The following IARS1 variants were observed in gnomAD, a reference collection of about 807,000 sequenced individuals.
IARS1 encodes isoleucyl-tRNA synthetase 1.
Under a neutral mutation model 168.2 loss-of-function variants are expected in IARS1, and 124 were observed. The ratio of observed to expected loss-of-function variants is 0.74; its 90% CI spans 0.64 to 0.86. IARS1 has a LOEUF of 0.86. Among genes scored for constraint, IARS1 ranks in the 40% least tolerant of loss-of-function variants. The pLI, the probability that IARS1 is intolerant of heterozygous loss-of-function variation, is 0.00. For synonymous variants in IARS1, 532 were observed against 529.4 expected (o/e 1.00, Z -0.07); for missense variants, 1,452 against 1,515.8 (o/e 0.96, Z 0.70).
chr9:92,264,813 T>C, intron 16 of IARS1, 116 bp downstream of exon 16: 1 of 904,876 alleles, frequency 1.1e-6, no homozygotes, highest in Non-Finnish European at 1.7e-6. Context: ...ATGTAGCCTG[T>C]CTTATTTGCC....
chr9:92,273,109 G>T (rs1833317664), intron 10 of IARS1, among the ~76,000 whole-genome samples: 1 of 147,198 alleles, frequency 6.8e-6, no homozygotes, highest in Admixed American at 6.8e-5. Context: ...TCCAGCCTGG[G>T]TGACAGAGCG....
intron 15 of IARS1, 142 bp downstream of exon 15, chr9:92,265,337 AC>A: frequency 3.6e-6 from 3 of 839,346 alleles, no homozygotes; most frequent in Non-Finnish European, 5.8e-6. Context: ...GACAGAGGCC[AC>A]AATACTGCAA....
chr9:92,288,934 C>A (rs1043608435), intron 2 of IARS1, among the ~76,000 whole-genome samples: 5 of 152,096 alleles, frequency 3.3e-5, no homozygotes, highest in African/African-American at 2.4e-5. Flanking sequence ...TTAGGCCGCG[C>A]GTGATGGCTC....
chr9:92,287,703 A>G (rs773916904), intron 4 of IARS1, 88 bp downstream of exon 4: 7 of 1,373,890 alleles, frequency 5.1e-6, no homozygotes, highest in Non-Finnish European at 5.9e-6. Flanking sequence ...ATAAATTAAT[A>G]AAAAAAGCAC....
intron 6 of IARS1, among the ~76,000 whole-genome samples, chr9:92,282,675 C>A (rs892677410): frequency 2.6e-5 from 4 of 151,900 alleles, no homozygotes; most frequent in Non-Finnish European, 5.9e-5. Flanking sequence ...GAGGGTGAGG[C>A]TGGAGGATCA....
chr9:92,227,159 A>G lies in IARS1; in HGVS notation c.3409+1842T>C, dbSNP rs1443938108. On this transcript the variant is annotated intron_variant, in intron 31 of 33. Transcript: ENST00000443024. ...ATCAACAGGATCCCAAGGCAGAAGA[A>G]TTTTTCTTAGTACAGAACAAAATGA... Among the ~76,000 whole-genome samples, 24 of 137,480 alleles carry G rather than the reference A, an allele frequency of 1.7e-4. 1 individual carries two copies. Among genetic ancestry groups the G allele is most frequent in the African/African-American group, 5.9e-4 (21 of 35,630 alleles). The allele number at this position is 137,480 out of a possible 152,430, so 90.2% of individuals were successfully genotyped here. A position where few individuals can be genotyped will look rare whatever the true frequency, so the allele number is the denominator to read the frequency against.
chr9:92,261,497 C>T (rs1188874224), intron 17 of IARS1, among the ~76,000 whole-genome samples: 1 of 152,128 alleles, frequency 6.6e-6, no homozygotes, highest in Non-Finnish European at 1.5e-5. Flanking sequence ...TGAATTCATT[C>T]AGTAACCTGA....
At chr9:92,269,684 C>G (rs1832754816) in intron 13 of IARS1, among the ~76,000 whole-genome samples, 1 of 152,206 alleles carries the variant, frequency 6.6e-6, no homozygotes, top group African/African-American at 2.4e-5. Flanking sequence ...CCCTTACATA[C>G]TTTATCACAA....
chr9:92,222,340 CAAAAAAAAAAAAAAA>C (rs60335070), intron 33 of IARS1, among the ~76,000 whole-genome samples, 165 bp downstream of exon 33: 1 of 55,372 alleles, frequency 1.8e-5, no homozygotes, highest in Non-Finnish European at 3.2e-5. Context: ...GACTCAGTCT[CAAAAAAAAAAAAAAA>C]AAAAAAAAAA....
intron 19 of IARS1, 104 bp from the exon 20 acceptor site, chr9:92,256,904 C>A: frequency 9.2e-7 from 1 of 1,082,568 alleles, no homozygotes; most frequent in South Asian, 1.9e-5. Context: ...AGAAAAAATC[C>A]CAGACCCTAC....
intron 14 of IARS1, among the ~76,000 whole-genome samples, chr9:92,266,326 T>C (rs1348319683): frequency 2.0e-5 from 3 of 152,188 alleles, no homozygotes; most frequent in Non-Finnish European, 2.9e-5. Context: ...AGTCATACAG[T>C]GCTTAATGGT....
intron 31 of IARS1, among the ~76,000 whole-genome samples, chr9:92,227,447 C>A (rs1318838670): frequency 2.1e-5 from 3 of 144,728 alleles, no homozygotes; most frequent in African/African-American, 7.8e-5. Flanking sequence ...GACCCCCCCA[C>A]CTCCCTCCCG....
At chr9:92,275,780 C>T (rs1006520562) in intron 9 of IARS1, among the ~76,000 whole-genome samples, 30 of 152,172 alleles carry the variant, frequency 2.0e-4, no homozygotes, top group African/African-American at 5.3e-4. Flanking sequence ...CAGCTTCCCT[C>T]GATATTTCAC....
chr9:92,232,219 A>G (rs1391422935), intron 30 of IARS1, among the ~76,000 whole-genome samples: 1 of 152,190 alleles, frequency 6.6e-6, no homozygotes. Context: ...CCCACTGGTA[A>G]TTTACAGCCT....
At chr9:92,278,327 G>GAACTT in intron 7 of IARS1, 41 bp from the exon 8 acceptor site, 1 of 1,350,754 alleles carries the variant, frequency 7.4e-7, no homozygotes, top group Non-Finnish European at 1.1e-6. Flanking sequence ...GTTATATTCT[G>GAACTT]AACTTGGCTG....
intron 1 of IARS1, among the ~76,000 whole-genome samples, chr9:92,291,363 C>A (rs752633562): frequency 6.6e-6 from 1 of 152,040 alleles, no homozygotes; most frequent in Non-Finnish European, 1.5e-5. Flanking sequence ...TTGAAAGCAT[C>A]AAAAGCATCA....
chr9:92,292,205 G>C (rs1001128574), intron 1 of IARS1, among the ~76,000 whole-genome samples: 1 of 140,314 alleles, frequency 7.1e-6, no homozygotes, highest in African/African-American at 3.1e-5. Context: ...TTTTTTGGTG[G>C]GGAGGGGGTG....
chr9:92,248,498 C>T lies in IARS1; in HGVS notation c.2617-947G>A, dbSNP rs534661423. On this transcript the variant is annotated intron_variant, in intron 25 of 33. Transcript: ENST00000443024. Reference sequence around the variant, plus strand: ...GACCAGCCCGGGCAACATGGCAAAACCCCATCTCTACAAAAGCCTGTACTA... The same window carrying T: ...GACCAGCCCGGGCAACATGGCAAAATCCCATCTCTACAAAAGCCTGTACTA... Among the ~76,000 whole-genome samples, 14 of 151,476 alleles carry T rather than the reference C, an allele frequency of 9.2e-5. No individual in the cohort carries two copies. In the South Asian group the frequency reaches 2.3e-3, roughly 25 times the overall value.
intron 7 of IARS1, 116 bp from the exon 8 acceptor site, chr9:92,278,402 G>A (rs1232238807): frequency 1.4e-6 from 1 of 712,286 alleles, no homozygotes; most frequent in Non-Finnish European, 2.5e-6. Flanking sequence ...TGCCTCTACT[G>A]TACCCAGTAC....
Sources: gnomAD v4.1 joint callset for allele counts (sites outside exome capture counted in the v4.1 genomes callset) on GRCh38, gnomAD v4.1.1 for gene constraint, MANE v1.5 for transcripts, NCBI Gene and HGNC (gene_info 2026-07-23, HGNC 2026-07-21) for gene names.